Variants in ZGRF1 observed in about 807,000 individuals in gnomAD.
The protein encoded by ZGRF1 is 5'-3' DNA helicase ZGRF1.
Under a neutral mutation model 203.5 loss-of-function variants are expected in ZGRF1, and 196 were observed. The ratio of observed to expected loss-of-function variants is 0.96; its 90% confidence interval spans 0.86 to 1.08. The LOEUF (loss-of-function observed/expected upper bound fraction) is 1.08, where lower values mean the gene tolerates loss of function less well. Ranked by LOEUF, ZGRF1 falls within the 50% of genes least tolerant of loss-of-function variation. The pLI, the probability that ZGRF1 is intolerant of heterozygous loss-of-function variation, is 0.00. For synonymous variants in ZGRF1, 809 were observed against 841.3 expected (o/e 0.96, Z 0.66); for missense variants, 2,326 against 2,416.3 (o/e 0.96, Z 0.78).
chr4:112,573,178 AC>A, intron 16 of ZGRF1, among the ~76,000 whole-genome samples: 1 of 151,236 alleles, frequency 6.6e-6, no homozygotes, highest in South Asian at 2.1e-4. Context: ...ACACACACAC[AC>A]ACACACACAC....
chr4:112,545,724 CAACT>C (rs1453958280), intron 24 of ZGRF1, among the ~76,000 whole-genome samples: 2 of 152,046 alleles, frequency 1.3e-5, no homozygotes, highest in African/African-American at 4.8e-5. Flanking sequence ...GAAAACAACC[CAACT>C]ATCTATCAAC....
intron 4 of ZGRF1, among the ~76,000 whole-genome samples, chr4:112,622,957 C>A (rs1473920477): frequency 6.6e-6 from 1 of 152,072 alleles, no homozygotes; most frequent in Non-Finnish European, 1.5e-5. Context: ...TTTCCTGATC[C>A]TCTTCCTCCT....
At chr4:112,594,969 G>A (rs967399998) in intron 10 of ZGRF1, among the ~76,000 whole-genome samples, 3 of 152,004 alleles carry the variant, frequency 2.0e-5, no homozygotes, top group East Asian at 1.9e-4. Context: ...GGCCAGGTGC[G>A]GTGGCTCACG....
At chr4:112,621,295 G>A (rs2149171195) in intron 4 of ZGRF1, among the ~76,000 whole-genome samples, 1 of 151,826 alleles carries the variant, frequency 6.6e-6, no homozygotes, top group South Asian at 2.1e-4. Context: ...TTCCAAAAAT[G>A]CATTTTAATC....
In ZGRF1 at chr4:112,618,909, T is replaced by C. The variant is rs139173313; in HGVS notation, c.1133A>G (p.Tyr378Cys). The C allele has an allele frequency of 3.7e-5, 60 of 1,613,840 alleles. No homozygotes were observed. The highest frequency in any genetic ancestry group is 5.0e-5 in the Non-Finnish European group (59 of 1,179,922). ...LQKIIQFVETYAEERKKYNVD... is the reference protein window; with the variant it reads ...LQKIIQFVETCAEERKKYNVD... The stretch of plus-strand genomic sequence containing the variant: ...ATTATACTTTTTCCTCTCTTCAGCA[T>C]ACGTTTCAACGAACTGTATAATTTT... Residue 378 changes from tyrosine (Y) to cysteine (C), a missense_variant, in exon 6 of 28, where the codon TAT (tyrosine) becomes TGT (cysteine). By Grantham distance (194) the Tyr-to-Cys change is radical. Coordinates refer to ENST00000505019, the MANE Select transcript of ZGRF1 (RefSeq NM_018392.5).
chr4:112,605,878 C>G (rs910560970), intron 9 of ZGRF1, 130 bp downstream of exon 9: 1 of 669,456 alleles, frequency 1.5e-6, no homozygotes, highest in Admixed American at 2.9e-5. Context: ...GTTCTTAAAA[C>G]CAGACTTATT....
At chr4:112,556,168 A>G (rs1483691244) in intron 20 of ZGRF1, among the ~76,000 whole-genome samples, 1 of 152,126 alleles carries the variant, frequency 6.6e-6, no homozygotes, top group Non-Finnish European at 1.5e-5. Flanking sequence ...GGAAATTTGA[A>G]AAGTATATTT....
chr4:112,572,620 A>C (rs757650789), intron 16 of ZGRF1, among the ~76,000 whole-genome samples: 1 of 152,234 alleles, frequency 6.6e-6, no homozygotes, highest in Non-Finnish European at 1.5e-5. Flanking sequence ...CAGACAACCC[A>C]CAGAGTGGGA....
chr4:112,592,169 C>G lies in ZGRF1; in HGVS notation c.2977-2295G>C, dbSNP rs139149758. On this transcript the variant is annotated intron_variant, in intron 10 of 27. Transcript: ENST00000505019. ...CTGGAGTGCAGTGGCGTGATCTCAG[C>G]TCACTGCAACCTCTAACTCCCAAGT... is the stretch of plus-strand genomic sequence containing the variant. Among the ~76,000 whole-genome samples, 880 of 149,618 alleles carry G rather than the reference C, an allele frequency of 5.9e-3. 9 individuals are homozygous for G. Among genetic ancestry groups the G allele is most frequent in the African/African-American group, 0.019 (782 of 40,670 alleles).
At chr4:112,585,480 G>C in intron 14 of ZGRF1, 61 bp downstream of exon 14, 2 of 1,337,120 alleles carry the variant, frequency 1.5e-6, no homozygotes, top group Non-Finnish European at 2.0e-6. Flanking sequence ...GAAGTAATAG[G>C]TATCTAAACC....
intron 14 of ZGRF1, 96 bp from the exon 15 acceptor site, chr4:112,584,270 G>A (rs1578360395): frequency 5.8e-6 from 4 of 691,278 alleles, no homozygotes; most frequent in Non-Finnish European, 9.1e-6. Flanking sequence ...AAGACTGCTT[G>A]GCATTACTGT....
chr4:112,617,322 T>C, intron 6 of ZGRF1, 118 bp downstream of exon 6: 1 of 677,108 alleles, frequency 1.5e-6, no homozygotes, highest in Non-Finnish European at 2.4e-6. Context: ...CAAGTACATG[T>C]ATTACCTATT....
At chr4:112,571,370 C>T (rs185217228) in intron 16 of ZGRF1, among the ~76,000 whole-genome samples, 1 of 152,142 alleles carries the variant, frequency 6.6e-6, no homozygotes, top group Non-Finnish European at 1.5e-5. Context: ...TAAGACAAAC[C>T]TCAGGCAAGA....
intron 16 of ZGRF1, among the ~76,000 whole-genome samples, chr4:112,566,656 T>C (rs2148919025): frequency 6.6e-6 from 1 of 152,190 alleles, no homozygotes; most frequent in South Asian, 2.1e-4. Flanking sequence ...GCTGAATTAG[T>C]ATGATTGTTG....
Position 112,540,968 on chromosome 4 carries a change from A to T in ZGRF1, c.5776-13T>A, listed in dbSNP as rs758100392. ...TATCTCTTTCTATCTGGAGTAAGAA[A>T]TAGATCCTAAATTATATTTCCCAGA... On this transcript the variant is annotated splice_polypyrimidine_tract_variant and intron_variant, in intron 25 of 27. Transcript: ENST00000505019. 4 of 1,560,900 alleles carry T rather than the reference A, an allele frequency of 2.6e-6. No homozygotes were observed. The East Asian group carries it at 9.4e-5, about 37-fold the overall frequency.
rs754319170 is a variant in ZGRF1 at position 112,581,665 on chromosome 4, T to C, written c.4436A>G (p.Lys1479Arg). 6.3e-7 allele frequency: 1 copy of C among 1,576,690 alleles called. No individual in the cohort carries two copies. Among genetic ancestry groups the C allele is most frequent in the Admixed American group, 1.9e-5 (1 of 52,284 alleles). ...SRKERSSAYS[K>R]NDLWVVSKTL... ...CCAGTATGATCAGATCAACTTACTT[T>C]TGCTATAAGCTGAAGATCTTTCCTT... is the stretch of plus-strand genomic sequence containing the variant. The change falls in exon 16 of 28, where the codon AAA becomes AGA. Residue 1479 changes from lysine (K) to arginine (R), a missense_variant and splice_region_variant. Lys to Arg is a conservative substitution (Grantham distance 26). Coordinates refer to ENST00000505019, the MANE Select transcript of ZGRF1 (RefSeq NM_018392.5).
At position 112,584,069 on chromosome 4, in the gene ZGRF1, GT is replaced by G; in HGVS notation, c.4206del (p.Pro1403LeufsTer5). The G allele has an allele frequency of 6.2e-7, 1 of 1,613,348 alleles. No individual in the cohort carries two copies. Among genetic ancestry groups the G allele is most frequent in the Admixed American group, 1.7e-5 (1 of 59,972 alleles). ...TPGYSTQEGA[R>X]PGMVLSDIKS... is the part of the protein sequence containing the mutation. The stretch of plus-strand genomic sequence containing the variant: ...TTAATATCACTTAAAACCATGCCAG[GT>G]CGAGCTCCTTCCTGTGTTGAATATC... On this transcript the variant is annotated frameshift_variant, in exon 15 of 28. Transcript: ENST00000505019. LOFTEE classifies it high-confidence loss of function.
At chr4:112,583,636 A>G (rs1746655707) in intron 15 of ZGRF1, among the ~76,000 whole-genome samples, 1 of 151,656 alleles carries the variant, frequency 6.6e-6, no homozygotes, top group Admixed American at 6.6e-5. Context: ...CAAGACCCCA[A>G]CTCTACAAAA....
At chr4:112,551,896 A>G (rs924538126) in intron 22 of ZGRF1, among the ~76,000 whole-genome samples, 6 of 152,194 alleles carry the variant, frequency 3.9e-5, no homozygotes, top group Admixed American at 6.5e-5. Context: ...AACAGCAGAA[A>G]AGATTTTGTT....
Sources: gnomAD v4.1 joint callset for allele counts (sites outside exome capture counted in the v4.1 genomes callset) on GRCh38, gnomAD v4.1.1 for gene constraint, MANE v1.5 for transcripts, NCBI Gene and HGNC (gene_info 2026-07-23, HGNC 2026-07-21) for gene names.